Variants in WDFY4 observed in about 807,000 individuals in gnomAD.
WDFY4 encodes the protein WD repeat- and FYVE domain-containing protein 4.
Under a neutral mutation model 351.9 loss-of-function variants are expected in WDFY4, and 169 were observed. The ratio of observed to expected loss-of-function variants is 0.48; its 90% CI spans 0.42 to 0.55. WDFY4 has a LOEUF of 0.55. WDFY4 is among the 20% of genes least tolerant of loss of function. WDFY4 has a pLI of 0.00. For missense variants in WDFY4, 3,803 were observed against 3,935.6 expected (o/e 0.97, Z 0.90); for synonymous variants, 1,622 against 1,574.6 (o/e 1.03, Z -0.71).
At chr10:48,801,419 T>C in intron 24 of WDFY4, 1 of 442,842 alleles carries the variant, frequency 2.3e-6, no homozygotes. Flanking sequence ...TCTCAGCCCT[T>C]AGCCCCAGGC....
intron 24 of WDFY4, among the ~76,000 whole-genome samples, chr10:48,799,663 G>C (rs1167067116): frequency 6.6e-6 from 1 of 152,002 alleles, no homozygotes; most frequent in African/African-American, 2.4e-5. Flanking sequence ...ATCCCAGCTA[G>C]TCGGGAGGCT....
chr10:48,887,817 G>C (rs1180426986), intron 43 of WDFY4, among the ~76,000 whole-genome samples: 6 of 151,120 alleles, frequency 4.0e-5, no homozygotes, highest in Non-Finnish European at 7.4e-5. Context: ...ATTTACTTGT[G>C]TATTCAAAAT....
At chr10:48,790,053 C>G (rs930040718) in intron 22 of WDFY4, 68 bp downstream of exon 22, 158 of 1,472,250 alleles carry the variant, frequency 1.1e-4, no homozygotes, top group Non-Finnish European at 1.4e-4. Flanking sequence ...GCTTGTGCAC[C>G]CTGGAGTTCT....
chr10:48,801,901 G>T (rs1047122271), intron 24 of WDFY4, among the ~76,000 whole-genome samples: 2 of 152,116 alleles, frequency 1.3e-5, no homozygotes, highest in African/African-American at 4.8e-5. Context: ...GCAAGGTTGA[G>T]TATTGACCCT....
intron 20 of WDFY4, among the ~76,000 whole-genome samples, chr10:48,788,119 C>T (rs1474841427): frequency 2.6e-5 from 4 of 151,798 alleles, no homozygotes; most frequent in Admixed American, 2.0e-4. Flanking sequence ...CCTCTGCCTC[C>T]CCGGTTCAAG....
intron 51 of WDFY4, among the ~76,000 whole-genome samples, chr10:48,951,235 G>A (rs1265974345): frequency 8.5e-5 from 13 of 152,122 alleles, no homozygotes; most frequent in Non-Finnish European, 1.9e-4. Context: ...TTACAATCCA[G>A]AAAATATGGT....
At chr10:48,687,656 C>T (rs1308432239) in intron 1 of WDFY4, among the ~76,000 whole-genome samples, 1 of 146,588 alleles carries the variant, frequency 6.8e-6, no homozygotes, top group East Asian at 2.0e-4. Flanking sequence ...GCTCTGTCAC[C>T]CAGGCTGGAG....
At chr10:48,753,919 T>A (rs2065254807) in intron 12 of WDFY4, among the ~76,000 whole-genome samples, 3 of 152,244 alleles carry the variant, frequency 2.0e-5, no homozygotes, top group Admixed American at 2.0e-4. Context: ...ATGCCCTTTA[T>A]CATGTTGAGG....
At chr10:48,851,208 G>A (rs1195468905) in intron 39 of WDFY4, among the ~76,000 whole-genome samples, 4 of 152,160 alleles carry the variant, frequency 2.6e-5, no homozygotes, top group Non-Finnish European at 5.9e-5. Context: ...CACCCAAAGA[G>A]GATGCCGAGG....
intron 47 of WDFY4, among the ~76,000 whole-genome samples, chr10:48,908,022 G>C (rs1318633817): frequency 1.3e-5 from 2 of 152,158 alleles, no homozygotes; most frequent in African/African-American, 4.8e-5. Flanking sequence ...CTGATCCCTG[G>C]CCATTCTGCC....
chr10:48,970,003 C>A, intron 56 of WDFY4, 128 bp from the exon 57 acceptor site: 1 of 1,164,060 alleles, frequency 8.6e-7, no homozygotes, highest in Non-Finnish European at 1.2e-6. Flanking sequence ...CAAGAACTGG[C>A]TCCTGAACAC....
chr10:48,767,337 T>G (rs2065704597), intron 13 of WDFY4, among the ~76,000 whole-genome samples: 1 of 152,222 alleles, frequency 6.6e-6, no homozygotes, highest in African/African-American at 2.4e-5. Flanking sequence ...CCACGCCTGC[T>G]CCCTTCCCTT....
At chr10:48,917,212 A>G (rs1315170635) in intron 47 of WDFY4, among the ~76,000 whole-genome samples, 1 of 152,188 alleles carries the variant, frequency 6.6e-6, no homozygotes, top group East Asian at 1.9e-4. Context: ...CTAAGGATGT[A>G]TTTCTCAGAA....
At chr10:48,806,417 T>G (rs1425505048) in intron 27 of WDFY4, among the ~76,000 whole-genome samples, 2 of 152,202 alleles carry the variant, frequency 1.3e-5, no homozygotes, top group East Asian at 3.9e-4. Context: ...ACTTTCCTGA[T>G]GAGCCCCAAC....
intron 39 of WDFY4, among the ~76,000 whole-genome samples, chr10:48,865,039 G>A (rs1019955358): frequency 6.6e-6 from 1 of 151,992 alleles, no homozygotes; most frequent in Non-Finnish European, 1.5e-5. Context: ...TTTCAATTTG[G>A]ATGCCTTTTA....
intron 2 of WDFY4, among the ~76,000 whole-genome samples, chr10:48,718,707 G>T (rs1410515006): frequency 6.6e-6 from 1 of 152,180 alleles, no homozygotes; most frequent in South Asian, 2.1e-4. Context: ...CCTTCTCATC[G>T]CACGACTAGG....
chr10:48,729,312 C>T, intron 7 of WDFY4, 120 bp from the exon 8 acceptor site: 9 of 1,431,152 alleles, frequency 6.3e-6, no homozygotes, highest in Non-Finnish European at 8.4e-6. Flanking sequence ...CAGGTGCAGA[C>T]CTGTGGGGTC....
intron 55 of WDFY4, 78 bp downstream of exon 55, chr10:48,966,751 A>T: frequency 6.7e-7 from 1 of 1,495,866 alleles, no homozygotes; most frequent in Non-Finnish European, 9.0e-7. Context: ...CTGGAGGTCC[A>T]GCACCACATA....
At chr10:48,696,673 C>T (rs1341880965) in intron 1 of WDFY4, among the ~76,000 whole-genome samples, 2 of 152,194 alleles carry the variant, frequency 1.3e-5, no homozygotes, top group African/African-American at 4.8e-5. Context: ...GGGGCTGAAC[C>T]CCAAAGATGG....
Sources: allele counts gnomAD v4.1 joint callset (sites outside exome capture counted in the v4.1 genomes callset), GRCh38; gene constraint gnomAD v4.1.1; transcripts MANE v1.5; gene names NCBI Gene and HGNC (gene_info 2026-07-23, HGNC 2026-07-21).